ASCC1: variants seen among roughly 807,000 people sequenced by gnomAD.
ASCC1 encodes the protein activating signal cointegrator 1 complex subunit 1.
Under a neutral mutation model 46.6 loss-of-function variants are expected in ASCC1, and 35 were observed. The ratio of observed to expected loss-of-function variants is 0.75; its 90% CI spans 0.57 to 0.99. The LOEUF is 0.99. ASCC1 is among the 50% of genes least tolerant of loss of function. The probability of loss-of-function intolerance (pLI) is 0.00; values close to 1 mark genes in which losing one functional copy is unlikely to be tolerated. For synonymous variants in ASCC1, 143 were observed against 146.6 expected, an observed-to-expected ratio of 0.98 and a Z score of 0.18; for missense variants, 376 against 428.7, an observed-to-expected ratio of 0.88 and a Z score of 1.09.
chr10:72,163,679 G>A (rs1423455659), intron 5 of ASCC1, among the ~76,000 whole-genome samples: 1 of 151,682 alleles, frequency 6.6e-6, no homozygotes, highest in Non-Finnish European at 1.5e-5. Flanking sequence ...AGGTTGCAGT[G>A]AGCCGAGATC....
intron 3 of ASCC1, among the ~76,000 whole-genome samples, chr10:72,207,530 T>C (rs772407858): frequency 1.1e-4 from 17 of 152,214 alleles, no homozygotes; most frequent in Non-Finnish European, 2.5e-4. Context: ...TTCTCAGTCT[T>C]GGCTATACAC....
intron 4 of ASCC1, among the ~76,000 whole-genome samples, chr10:72,200,583 G>A (rs963458742): frequency 9.9e-5 from 15 of 151,794 alleles, no homozygotes; most frequent in African/African-American, 3.6e-4. Context: ...AGGAGGTGGA[G>A]GTTGCATTGA....
chr10:72,204,084 A>G (rs889136452), intron 3 of ASCC1, among the ~76,000 whole-genome samples: 2 of 152,144 alleles, frequency 1.3e-5, no homozygotes, highest in African/African-American at 2.4e-5. Context: ...CCCCATCTCT[A>G]CAAAAATACA....
chr10:72,100,418 G>T (rs1330297056), intron 9 of ASCC1, among the ~76,000 whole-genome samples: 1 of 151,966 alleles, frequency 6.6e-6, no homozygotes, highest in African/African-American at 2.4e-5. Flanking sequence ...GTAGAGACGG[G>T]GTTTCTCCAT....
intron 7 of ASCC1, among the ~76,000 whole-genome samples, chr10:72,145,136 T>C (rs1847483748): frequency 6.6e-6 from 1 of 152,242 alleles, no homozygotes; most frequent in South Asian, 2.1e-4. Context: ...GTTATTGTTA[T>C]TGAGAAGTCT....
intron 5 of ASCC1, among the ~76,000 whole-genome samples, chr10:72,191,950 A>G (rs1368348194): frequency 6.6e-6 from 1 of 152,012 alleles, no homozygotes; most frequent in Non-Finnish European, 1.5e-5. Flanking sequence ...GCCGGCCAGG[A>G]AAAGATTTTT....
intron 2 of ASCC1, among the ~76,000 whole-genome samples, chr10:72,211,095 T>A (rs973371609): frequency 6.6e-6 from 1 of 152,212 alleles, no homozygotes; most frequent in Admixed American, 6.5e-5. Flanking sequence ...CATACGGTAG[T>A]TCCCCCCATC....
intron 2 of ASCC1, 29 bp downstream of exon 2, chr10:72,213,158 T>G (rs1173899752): frequency 6.7e-7 from 1 of 1,484,830 alleles, no homozygotes; most frequent in Non-Finnish European, 9.4e-7. Flanking sequence ...ATTTTACTTC[T>G]TATCTGACCA....
chr10:72,190,111 AGGTT>A (rs1013666084), intron 5 of ASCC1: 56 of 759,882 alleles, frequency 7.4e-5, no homozygotes, highest in African/African-American at 7.3e-4. Context: ...AGACCAAGCA[AGGTT>A]ACATTATATA....
Position 72,133,174 on chromosome 10 carries a change from C to A in ASCC1, c.754G>T (p.Glu252Ter). Residue 252 changes from glutamate to a stop codon, truncating the protein, a stop_gained, in exon 8 of 10, where the codon GAA (glutamate) becomes TAA (stop). Coordinates refer to ENST00000672957, the MANE Select transcript of ASCC1 (RefSeq NM_001198800.3). LOFTEE classifies it high-confidence loss of function. ...CGTTCCAGCACTCGATCAACTAATTCTTGTAGCCTGGAGAAATTGGAGAAA... is the reference window on the plus strand; with the variant it reads ...CGTTCCAGCACTCGATCAACTAATTATTGTAGCCTGGAGAAATTGGAGAAA... Reference protein sequence around the residue: ...HMKDGSNRLQELVDRVLERFQ... With the variant: ...HMKDGSNRLQ 6.2e-7 allele frequency: 1 copy of A among 1,614,042 alleles called. No homozygotes were observed. The highest frequency in any genetic ancestry group is 1.1e-5 in the South Asian group (1 of 91,076).
At position 72,191,966 on chromosome 10, in the gene ASCC1, A is replaced by C. The variant is rs187160451; in HGVS notation, c.489+4845T>G. Among the ~76,000 whole-genome samples the C allele has an allele frequency of 3.8e-3, 580 of 152,056 alleles. 8 individuals carry two copies. The highest frequency in any genetic ancestry group is 0.014 in the African/African-American group (560 of 41,468). ...CCGGCCAGGAAAAGATTTTTTAGACATAACATTAAGAGTACAACCCATAAA... is the reference window on the plus strand; with the variant it reads ...CCGGCCAGGAAAAGATTTTTTAGACCTAACATTAAGAGTACAACCCATAAA... On this transcript the variant is annotated intron_variant, in intron 5 of 9. Transcript: ENST00000672957.
intron 5 of ASCC1, among the ~76,000 whole-genome samples, chr10:72,166,649 T>C (rs1224260651): frequency 1.3e-5 from 2 of 151,992 alleles, no homozygotes; most frequent in Non-Finnish European, 2.9e-5. Context: ...AATGAAAAGA[T>C]AAGCCACAGA....
intron 9 of ASCC1, among the ~76,000 whole-genome samples, chr10:72,123,205 G>A (rs756637609): frequency 2.6e-5 from 4 of 152,004 alleles, no homozygotes; most frequent in Non-Finnish European, 5.9e-5. Context: ...CAGGCATGGT[G>A]GCGTGTGCCT....
At chr10:72,102,465 C>T in intron 9 of ASCC1, 4 of 1,392,762 alleles carry the variant, frequency 2.9e-6, no homozygotes, top group South Asian at 2.5e-5. Context: ...TATGAGCGTC[C>T]CTCCTTTTAT....
At chr10:72,203,015 G>A (rs1360881157) in intron 4 of ASCC1, among the ~76,000 whole-genome samples, 4 of 152,074 alleles carry the variant, frequency 2.6e-5, no homozygotes, top group East Asian at 1.9e-4. Flanking sequence ...GGCCGGGCAC[G>A]GTGGCTCACG....
At chr10:72,183,204 G>T (rs115908759) in intron 5 of ASCC1, among the ~76,000 whole-genome samples, 2,212 of 151,992 alleles carry the variant, frequency 0.015, 58 homozygotes, top group African/African-American at 0.05. Flanking sequence ...CCACCATACA[G>T]GGCTAATTTT....
intron 9 of ASCC1, among the ~76,000 whole-genome samples, chr10:72,107,526 A>C (rs1446042304): frequency 6.6e-6 from 1 of 152,180 alleles, no homozygotes; most frequent in Non-Finnish European, 1.5e-5. Context: ...ATCTACTTTA[A>C]AAATACTCAC....
chr10:72,205,253 T>A (rs1006302520), intron 3 of ASCC1, among the ~76,000 whole-genome samples: 2 of 152,100 alleles, frequency 1.3e-5, no homozygotes, highest in African/African-American at 4.8e-5. Context: ...GCAAATCACT[T>A]GAGGTCAGGA....
intron 5 of ASCC1, among the ~76,000 whole-genome samples, chr10:72,167,418 T>C (rs1850491470): frequency 6.6e-6 from 1 of 152,156 alleles, no homozygotes; most frequent in Non-Finnish European, 1.5e-5. Context: ...CTAAAGAGAC[T>C]GAAAGCAGGT....
Sources: allele counts gnomAD v4.1 joint callset (sites outside exome capture counted in the v4.1 genomes callset), GRCh38; gene constraint gnomAD v4.1.1; transcripts MANE v1.5; gene names NCBI Gene and HGNC (gene_info 2026-07-23, HGNC 2026-07-21).